Variants in SLC17A8 observed in about 807,000 individuals in gnomAD.
The protein encoded by SLC17A8 is solute carrier family 17 member 8, also known as vesicular glutamate transporter 3.
In SLC17A8, 31 loss-of-function variants were observed where a neutral mutation model predicts 58.0. That is an observed-to-expected ratio of 0.53 (90% confidence interval 0.40 to 0.72). The LOEUF (loss-of-function observed/expected upper bound fraction) is 0.72, where lower values mean the gene tolerates loss of function less well. Among genes scored for constraint, SLC17A8 ranks in the 30% least tolerant of loss-of-function variants. The pLI, the probability that SLC17A8 is intolerant of heterozygous loss-of-function variation, is 0.00. For synonymous variants in SLC17A8, 228 were observed against 249.0 expected, an observed-to-expected ratio of 0.92 and a Z score of 0.79; for missense variants, 655 against 727.8, an observed-to-expected ratio of 0.90 and a Z score of 1.15.
chr12:100,396,987 C>G (rs1952758618), intron 5 of SLC17A8, among the ~76,000 whole-genome samples: 1 of 152,140 alleles, frequency 6.6e-6, no homozygotes. Flanking sequence ...CCATCTGTCC[C>G]TTTCATCAGG....
intron 2 of SLC17A8, among the ~76,000 whole-genome samples, chr12:100,386,171 G>A (rs1370268440): frequency 6.6e-6 from 1 of 152,114 alleles, no homozygotes; most frequent in Non-Finnish European, 1.5e-5. Flanking sequence ...ATAGGTCCTG[G>A]GGATTTGATG....
chr12:100,402,217 C>A, intron 6 of SLC17A8, 123 bp from the exon 7 acceptor site: 1 of 1,092,072 alleles, frequency 9.2e-7, no homozygotes, highest in South Asian at 1.4e-5. Flanking sequence ...TCCCTCAAAC[C>A]TTGTTACAAC....
At chr12:100,397,330 C>T (rs1203982188) in intron 5 of SLC17A8, among the ~76,000 whole-genome samples, 1 of 152,166 alleles carries the variant, frequency 6.6e-6, no homozygotes, top group Non-Finnish European at 1.5e-5. Context: ...TTCCTTACTT[C>T]ACGCTCCTAC....
At chr12:100,401,350 A>G (rs1228263679) in intron 5 of SLC17A8, among the ~76,000 whole-genome samples, 1 of 152,004 alleles carries the variant, frequency 6.6e-6, no homozygotes, top group East Asian at 1.9e-4. Context: ...GATCTTTTAA[A>G]TAATTCAATG....
Position 100,385,133 on chromosome 12 carries a change from T to TGA in SLC17A8, c.354+4201_354+4202dup, listed in dbSNP as rs1183439571. On this transcript the variant is annotated intron_variant, in intron 2 of 11. Transcript: ENST00000323346. ...CTCTCTCTCTGTGTGTGTGTGTGTG[T>TGA]GAGAGAGAGAGAGAGAGAGAGAAAG... 4.1e-3 allele frequency among the ~76,000 whole-genome samples: 616 copies of TGA among 150,052 alleles called. 3 individuals are homozygous for TGA. The highest frequency in any genetic ancestry group is 0.011 in the African/African-American group (443 of 40,970).
chr12:100,414,986 G>A (rs562682496), intron 10 of SLC17A8, among the ~76,000 whole-genome samples: 7 of 152,302 alleles, frequency 4.6e-5, no homozygotes, highest in Admixed American at 6.5e-5. Context: ...AGTAGGAAGC[G>A]GAGGAACGCC....
Position 100,406,625 on chromosome 12 carries a change from T to C in SLC17A8, c.1186+2455T>C, listed in dbSNP as rs535258732. On this transcript the variant is annotated intron_variant, in intron 9 of 11. Transcript: ENST00000323346. ...ATCTCAGCTCACTGCAACCTCCGCC[T>C]CTTGGGTTCAAGTGATTCTCCTGCC... is the stretch of plus-strand genomic sequence containing the variant. Among the ~76,000 whole-genome samples, 4 of 151,548 alleles carry C rather than the reference T, an allele frequency of 2.6e-5. 1 individual carries two copies. Among genetic ancestry groups the C allele is most frequent in the South Asian group, 2.1e-4 (1 of 4,802 alleles).
intron 1 of SLC17A8, among the ~76,000 whole-genome samples, chr12:100,360,944 G>C (rs74949533): frequency 6.6e-6 from 1 of 152,306 alleles, no homozygotes; most frequent in African/African-American, 2.4e-5. Context: ...TTACAAGTAT[G>C]TCTATCTTCC....
chr12:100,374,138 C>G (rs1191207837), intron 1 of SLC17A8, among the ~76,000 whole-genome samples: 4 of 152,042 alleles, frequency 2.6e-5, no homozygotes, highest in Non-Finnish European at 5.9e-5. Context: ...TTCAGAGAGG[C>G]CAGGTTATTT....
intron 3 of SLC17A8, 88 bp downstream of exon 3, chr12:100,391,207 G>T (rs1018102029): frequency 3.0e-5 from 28 of 927,092 alleles, no homozygotes; most frequent in South Asian, 2.5e-4. Flanking sequence ...CAATTTGGGG[G>T]TGCAGAATGA....
At position 100,374,018 on chromosome 12, in the gene SLC17A8, G is replaced by A. The variant is rs116489589; in HGVS notation, c.102-6683G>A. Among the ~76,000 whole-genome samples the A allele has an allele frequency of 3.2e-3, 492 of 152,236 alleles. 4 individuals are homozygous for A. Among genetic ancestry groups the A allele is most frequent in the African/African-American group, 9.6e-3 (397 of 41,540 alleles). On this transcript the variant is annotated intron_variant, in intron 1 of 11. Transcript: ENST00000323346. Reference sequence around the variant, plus strand: ...CACCAGGGATGGCAGAGACCCTAACGTTCAGGCAATGTCTATTCATTTATT... The same window carrying A: ...CACCAGGGATGGCAGAGACCCTAACATTCAGGCAATGTCTATTCATTTATT...
chr12:100,357,368 G>A lies in SLC17A8; in HGVS notation c.-24G>A. ...CAGTTTTTGAGACTGACTGTTAACGGCTCAGAGGTGCCCCTCATTCAAAAT... is the reference window on the plus strand; with the variant it reads ...CAGTTTTTGAGACTGACTGTTAACGACTCAGAGGTGCCCCTCATTCAAAAT... On this transcript the variant is annotated 5_prime_UTR_variant, in exon 1 of 12. Transcript: ENST00000323346. 7.8e-7 allele frequency: 1 copy of A among 1,289,524 alleles called. No individual in the cohort carries two copies. The highest frequency in any genetic ancestry group is 1.1e-6 in the Non-Finnish European group (1 of 883,722). 79.9% of individuals were successfully genotyped at this position (1,289,524 alleles called of 1,614,324 possible). A position where few individuals can be genotyped will look rare whatever the true frequency, so the allele number is the denominator to read the frequency against.
chr12:100,403,452 G>C (rs745892644), intron 8 of SLC17A8, among the ~76,000 whole-genome samples: 1 of 149,338 alleles, frequency 6.7e-6, no homozygotes, highest in Non-Finnish European at 1.5e-5. Context: ...CTGGGCAACA[G>C]AGCAAGACTC....
intron 10 of SLC17A8, among the ~76,000 whole-genome samples, chr12:100,415,583 C>T (rs1310624584): frequency 6.6e-6 from 1 of 152,060 alleles, no homozygotes; most frequent in East Asian, 1.9e-4. Flanking sequence ...CAGGCATGTG[C>T]CACCACTTCC....
intron 1 of SLC17A8, among the ~76,000 whole-genome samples, chr12:100,361,050 T>C (rs910638929): frequency 6.6e-6 from 1 of 152,178 alleles, no homozygotes. Flanking sequence ...GGTGAGTGTG[T>C]TAAAGCTTGC....
chr12:100,384,904 G>A (rs1288083437), intron 2 of SLC17A8, among the ~76,000 whole-genome samples: 3 of 152,136 alleles, frequency 2.0e-5, no homozygotes, highest in Admixed American at 6.5e-5. Flanking sequence ...AGTCAGCTCC[G>A]TTTTCCCTGG....
chr12:100,416,461 C>T (rs1952907209), intron 10 of SLC17A8, among the ~76,000 whole-genome samples: 1 of 152,028 alleles, frequency 6.6e-6, no homozygotes, highest in African/African-American at 2.4e-5. Context: ...CAAAATTTCT[C>T]CCTGAAGGGA....
At chr12:100,402,862 C>T in intron 8 of SLC17A8, 117 bp downstream of exon 8, 3 of 1,040,264 alleles carry the variant, frequency 2.9e-6, no homozygotes, top group South Asian at 1.6e-5. Context: ...AGTTCTGTGA[C>T]ACCTAATAGC....
chr12:100,366,511 G>T (rs965676086), intron 1 of SLC17A8, among the ~76,000 whole-genome samples: 25 of 152,162 alleles, frequency 1.6e-4, no homozygotes, highest in Admixed American at 1.6e-3. Context: ...TTATCCAAAA[G>T]TCTGCAAAAG....
Sources: gnomAD v4.1 joint callset for allele counts (sites outside exome capture counted in the v4.1 genomes callset) on GRCh38, gnomAD v4.1.1 for gene constraint, MANE v1.5 for transcripts, NCBI Gene and HGNC (gene_info 2026-07-23, HGNC 2026-07-21) for gene names.